Variants in LRBA observed in about 807,000 individuals in gnomAD.
LRBA encodes the protein LPS responsive beige-like anchor protein, also known as lipopolysaccharide-responsive and beige-like anchor protein.
In LRBA, 176 loss-of-function variants were observed where a neutral mutation model predicts 330.0. The observed-to-expected ratio is 0.53, with a 90% CI of 0.47 to 0.60. The LOEUF (loss-of-function observed/expected upper bound fraction) is 0.60, where lower values mean the gene tolerates loss of function less well. Among genes scored for constraint, LRBA ranks in the 20% least tolerant of loss-of-function variants. The pLI is 0.00. For synonymous variants in LRBA, 1,230 were observed against 1,193.0 expected, an observed-to-expected ratio of 1.03 and a Z score of -0.64; for missense variants, 3,259 against 3,444.8, an observed-to-expected ratio of 0.95 and a Z score of 1.35.
intron 20 of LRBA, 24 bp from the exon 21 acceptor site, chr4:150,868,329 TA>T: frequency 6.5e-7 from 1 of 1,540,052 alleles, no homozygotes; most frequent in Non-Finnish European, 8.8e-7. Context: ...TATAAATAAG[TA>T]AAAACCAAAC....
chr4:150,496,072 A>G, intron 40 of LRBA, among the ~76,000 whole-genome samples: 1 of 152,152 alleles, frequency 6.6e-6, no homozygotes, highest in East Asian at 1.9e-4. Flanking sequence ...ACACATAAAT[A>G]TTCTATTTAT....
intron 34 of LRBA, among the ~76,000 whole-genome samples, chr4:150,773,371 A>G (rs974246279): frequency 1.3e-5 from 2 of 152,210 alleles, no homozygotes; most frequent in Non-Finnish European, 2.9e-5. Flanking sequence ...AAGTATGGAG[A>G]AAAAAAGGCA....
At chr4:150,624,780 T>A (rs1196303520) in intron 37 of LRBA, among the ~76,000 whole-genome samples, 1 of 152,174 alleles carries the variant, frequency 6.6e-6, no homozygotes, top group African/African-American at 2.4e-5. Context: ...CCACATTGTA[T>A]ATATATTTCA....
chr4:150,972,464 T>G (rs977998636), intron 2 of LRBA, among the ~76,000 whole-genome samples: 2 of 152,174 alleles, frequency 1.3e-5, no homozygotes, highest in African/African-American at 4.8e-5. Flanking sequence ...AATCAACTCT[T>G]TCTCATAGTG....
chr4:150,349,505 A>T (rs1278049641), intron 48 of LRBA, among the ~76,000 whole-genome samples: 1 of 152,196 alleles, frequency 6.6e-6, no homozygotes, highest in Non-Finnish European at 1.5e-5. Context: ...AATAAATGAC[A>T]AGAATAAAAC....
intron 52 of LRBA, among the ~76,000 whole-genome samples, chr4:150,303,518 G>A (rs964957217): frequency 6.6e-6 from 1 of 152,084 alleles, no homozygotes; most frequent in Non-Finnish European, 1.5e-5. Context: ...CAGAACAGTT[G>A]TTCATGTAAA....
intron 46 of LRBA, among the ~76,000 whole-genome samples, chr4:150,418,230 C>T (rs1748070916): frequency 2.0e-5 from 3 of 151,976 alleles, no homozygotes; most frequent in South Asian, 4.1e-4. Context: ...GTTGCCCAGG[C>T]TAGTCTCAAA....
rs528776927 is a variant in LRBA, at chr4:150,551,229, G to A, written c.6330+36819C>T. ...TTAGATTTCCTGCCTCCAAAAGCAT[G>A]AGCCAAATAAATTCTATTCTTTATA... On this transcript the variant is annotated intron_variant, in intron 40 of 56. Coordinates refer to ENST00000651943, the MANE Select transcript of LRBA (RefSeq NM_001364905.1). Among the ~76,000 whole-genome samples, 22 of 152,264 alleles carry A rather than the reference G, an allele frequency of 1.4e-4. No individual in the cohort carries two copies. The East Asian group carries it at 3.9e-3, about 27-fold the overall frequency.
At chr4:150,472,186 A>G (rs907850945) in intron 42 of LRBA, among the ~76,000 whole-genome samples, 1 of 152,084 alleles carries the variant, frequency 6.6e-6, no homozygotes, top group Non-Finnish European at 1.5e-5. Context: ...ATCAAAGAGA[A>G]GGGAGACTCT....
intron 53 of LRBA, 37 bp downstream of exon 53, chr4:150,302,588 C>A: frequency 6.6e-7 from 1 of 1,518,280 alleles, no homozygotes; most frequent in Non-Finnish European, 9.0e-7. Context: ...TCTCTACATC[C>A]TTGTAAAAGT....
intron 40 of LRBA, among the ~76,000 whole-genome samples, chr4:150,577,277 T>C (rs1035286605): frequency 6.6e-6 from 1 of 152,040 alleles, no homozygotes; most frequent in Admixed American, 6.6e-5. Flanking sequence ...TTTCATCAAC[T>C]AGAATACACT....
chr4:150,653,243 T>A (rs577140376), intron 37 of LRBA, among the ~76,000 whole-genome samples: 1 of 152,256 alleles, frequency 6.6e-6, no homozygotes, highest in East Asian at 1.9e-4. Flanking sequence ...AAAAATGAGA[T>A]AAACATATGA....
chr4:151,005,295 A>G (rs1561121203), intron 2 of LRBA, among the ~76,000 whole-genome samples: 1 of 151,868 alleles, frequency 6.6e-6, no homozygotes, highest in Non-Finnish European at 1.5e-5. Context: ...AATACAAAAA[A>G]TTAGCCAGGG....
chr4:150,591,508 T>C (rs1772828044), intron 38 of LRBA, among the ~76,000 whole-genome samples: 1 of 152,224 alleles, frequency 6.6e-6, no homozygotes, highest in Admixed American at 6.5e-5. Flanking sequence ...CTCCGCCCTT[T>C]TGTCCTTTAT....
chr4:150,774,906 TA>T (rs1171281948), intron 34 of LRBA, among the ~76,000 whole-genome samples: 5 of 152,054 alleles, frequency 3.3e-5, no homozygotes. Context: ...ACAGGTAAAA[TA>T]AAAAAATTAA....
chr4:150,584,953 C>T (rs1403895695), intron 40 of LRBA, among the ~76,000 whole-genome samples: 2 of 151,986 alleles, frequency 1.3e-5, no homozygotes, highest in African/African-American at 2.4e-5. Flanking sequence ...ATCTACTTCA[C>T]GCTTGGGAAA....
intron 31 of LRBA, among the ~76,000 whole-genome samples, chr4:150,808,767 A>G (rs1267026330): frequency 6.6e-6 from 1 of 152,232 alleles, no homozygotes; most frequent in African/African-American, 2.4e-5. Flanking sequence ...TACATTCCAA[A>G]TTTAGCTTTA....
intron 3 of LRBA, 43 bp from the exon 4 acceptor site, chr4:150,928,659 T>C: frequency 6.7e-7 from 1 of 1,492,944 alleles, no homozygotes; most frequent in Non-Finnish European, 9.3e-7. Context: ...GCTAGTTATA[T>C]TTCTCGAATA....
At chr4:150,777,060 A>AG (rs1411353254) in intron 34 of LRBA, among the ~76,000 whole-genome samples, 7 of 119,564 alleles carry the variant, frequency 5.9e-5, no homozygotes, top group Non-Finnish European at 1.3e-4. Flanking sequence ...CAGTTTTTTG[A>AG]GGGGTTTTGT....
Sources: gnomAD v4.1 joint callset for allele counts (sites outside exome capture counted in the v4.1 genomes callset) on GRCh38, gnomAD v4.1.1 for gene constraint, MANE v1.5 for transcripts, NCBI Gene and HGNC (gene_info 2026-07-23, HGNC 2026-07-21) for gene names.